The following SLC16A9 variants were observed in gnomAD, a reference collection of about 807,000 sequenced individuals.
SLC16A9 encodes solute carrier family 16 member 9, also known as monocarboxylate transporter 9.
SLC16A9 carries 26 observed loss-of-function variants against 44.3 expected under a neutral mutation model. The observed-to-expected ratio is 0.59, with a 90% confidence interval of 0.43 to 0.81. The LOEUF (loss-of-function observed/expected upper bound fraction) is 0.81. Among genes scored for constraint, SLC16A9 ranks in the 40% least tolerant of loss-of-function variants. The pLI, the probability that SLC16A9 is intolerant of heterozygous loss-of-function variation, is 0.00. For synonymous variants in SLC16A9, 230 were observed against 225.1 expected (o/e 1.02, Z -0.19); for missense variants, 559 against 595.8 (o/e 0.94, Z 0.64).
chr10:59,669,360 A>T (rs977066320), intron 3 of SLC16A9, among the ~76,000 whole-genome samples: 2 of 152,220 alleles, frequency 1.3e-5, no homozygotes, highest in Admixed American at 6.5e-5. Flanking sequence ...TGTGGCTTAC[A>T]ATCACTTGCC....
At chr10:59,704,651 T>C (rs77791150) in intron 1 of SLC16A9, among the ~76,000 whole-genome samples, 6,475 of 152,292 alleles carry the variant, frequency 0.043, 180 homozygotes, top group East Asian at 0.071. Flanking sequence ...CTGAGATACA[T>C]TGGTATCATC....
intron 3 of SLC16A9, among the ~76,000 whole-genome samples, chr10:59,667,071 G>C (rs936035768): frequency 1.3e-5 from 2 of 152,002 alleles, no homozygotes; most frequent in African/African-American, 4.8e-5. Context: ...TTTTTTGATA[G>C]CCAATGCATG....
intron 4 of SLC16A9, among the ~76,000 whole-genome samples, chr10:59,663,382 A>G (rs1588966214): frequency 6.6e-6 from 1 of 152,024 alleles, no homozygotes; most frequent in East Asian, 1.9e-4. Flanking sequence ...AAAAGAAAGA[A>G]AGAAAGAAAA....
intron 1 of SLC16A9, among the ~76,000 whole-genome samples, chr10:59,687,994 A>C (rs1286351500): frequency 1.3e-5 from 2 of 151,946 alleles, no homozygotes; most frequent in African/African-American, 4.8e-5. Context: ...AAAGAAAAGA[A>C]AAGAAAAATT....
At chr10:59,661,400 G>T (rs1266320192) in intron 4 of SLC16A9, among the ~76,000 whole-genome samples, 1 of 152,082 alleles carries the variant, frequency 6.6e-6, no homozygotes, top group African/African-American at 2.4e-5. Context: ...CCATTCACAT[G>T]CTACATAGAG....
intron 4 of SLC16A9, among the ~76,000 whole-genome samples, chr10:59,655,674 A>G (rs140362651): frequency 6.5e-4 from 99 of 152,336 alleles, no homozygotes; most frequent in African/African-American, 2.2e-3. Context: ...AGCCTAATCA[A>G]TTGGTACTGT....
chr10:59,686,537 A>AT (rs759375447), intron 1 of SLC16A9, among the ~76,000 whole-genome samples: 19 of 152,040 alleles, frequency 1.2e-4, no homozygotes, highest in Non-Finnish European at 2.2e-4. Context: ...ATTTTTATAG[A>AT]TTTTATCCTC....
chr10:59,707,603 A>G (rs1840675097), intron 1 of SLC16A9, among the ~76,000 whole-genome samples: 1 of 142,650 alleles, frequency 7.0e-6, no homozygotes, highest in African/African-American at 2.6e-5. Flanking sequence ...AAAAAAAAAC[A>G]AAAGATAAAA....
At position 59,688,346 on chromosome 10, in the gene SLC16A9, G is replaced by A. The variant is rs1043277529; in HGVS notation, c.-36-4019C>T. Among the ~76,000 whole-genome samples the A allele has an allele frequency of 1.2e-4, 19 of 152,214 alleles. No homozygotes were observed. The South Asian group carries it at 1.9e-3, about 15-fold the overall frequency. ...GATTTATTTCTTCACTTTGATTTCA[G>A]AGCACTGGGCAGAACTCATGTCACC... On this transcript the variant is annotated intron_variant, in intron 1 of 5. Transcript: ENST00000395348.
chr10:59,706,953 G>A (rs1376212428), intron 1 of SLC16A9, among the ~76,000 whole-genome samples: 10 of 131,890 alleles, frequency 7.6e-5, no homozygotes, highest in African/African-American at 2.9e-4. Context: ...CAGCCTGGGT[G>A]ACAACAGCAA....
At chr10:59,683,968 A>C (rs1840075827) in intron 2 of SLC16A9, 128 bp downstream of exon 2, 1 of 655,280 alleles carries the variant, frequency 1.5e-6, no homozygotes, top group Non-Finnish European at 2.4e-6. Flanking sequence ...CAATCATTGC[A>C]ATGAAGGCAG....
At chr10:59,656,472 A>G (rs752978314) in intron 4 of SLC16A9, among the ~76,000 whole-genome samples, 2 of 152,266 alleles carry the variant, frequency 1.3e-5, no homozygotes, top group Non-Finnish European at 2.9e-5. Flanking sequence ...AATTCAACAG[A>G]TATTTATTGA....
At chr10:59,686,996 C>T (rs1485532908) in intron 1 of SLC16A9, among the ~76,000 whole-genome samples, 2 of 152,226 alleles carry the variant, frequency 1.3e-5, no homozygotes, top group Non-Finnish European at 2.9e-5. Context: ...CAACCTCCGC[C>T]TCCTAGGTTC....
intron 2 of SLC16A9, among the ~76,000 whole-genome samples, chr10:59,680,486 T>C (rs1359049084): frequency 6.6e-6 from 1 of 152,210 alleles, no homozygotes; most frequent in Non-Finnish European, 1.5e-5. Flanking sequence ...TTGCAGGTTT[T>C]ACAGACAATT....
At chr10:59,707,920 G>T (rs1219573590) in intron 1 of SLC16A9, among the ~76,000 whole-genome samples, 1 of 152,192 alleles carries the variant, frequency 6.6e-6, no homozygotes, top group Non-Finnish European at 1.5e-5. Flanking sequence ...AGCCAGAAAA[G>T]ATTTCCTAAT....
Position 59,662,649 on chromosome 10 carries a change from A to AG in SLC16A9, c.436+1577_436+1578insC, listed in dbSNP as rs1345174835. ...ACTCCATCTCAAAAAAAAAAAAAAA[A>AG]AAAAGAAAAGAAAAAAAGAAGACAT... is the stretch of plus-strand genomic sequence containing the variant. On this transcript the variant is annotated intron_variant, in intron 4 of 5. Coordinates refer to ENST00000395348, the MANE Select transcript of SLC16A9 (RefSeq NM_194298.3). 3.4e-3 allele frequency among the ~76,000 whole-genome samples: 502 copies of AG among 147,352 alleles called. 1 individual carries two copies. Among genetic ancestry groups the AG allele is most frequent in the African/African-American group, 0.012 (466 of 39,154 alleles).
At chr10:59,694,312 TGG>T (rs1262579237) in intron 1 of SLC16A9, among the ~76,000 whole-genome samples, 1 of 152,140 alleles carries the variant, frequency 6.6e-6, no homozygotes, top group East Asian at 1.9e-4. Flanking sequence ...GAAATCAAGA[TGG>T]GATTAAGCTA....
intron 1 of SLC16A9, among the ~76,000 whole-genome samples, chr10:59,706,630 T>TACACACACACACACACAC (rs60450481): frequency 0.24 from 34,362 of 145,704 alleles, 4,504 homozygotes; most frequent in Non-Finnish European, 0.29. Flanking sequence ...AGAAATGTGA[T>TACACACACACACACACAC]ACACACACAC....
At chr10:59,677,335 C>T (rs1203279176) in intron 2 of SLC16A9, among the ~76,000 whole-genome samples, 1 of 152,008 alleles carries the variant, frequency 6.6e-6, no homozygotes, top group African/African-American at 2.4e-5. Context: ...AAGTGATCCT[C>T]CTGCCTCAGC....
Sources: gnomAD v4.1 joint callset for allele counts (sites outside exome capture counted in the v4.1 genomes callset) on GRCh38, gnomAD v4.1.1 for gene constraint, MANE v1.5 for transcripts, NCBI Gene and HGNC (gene_info 2026-07-23, HGNC 2026-07-21) for gene names.